Variants in NRXN1 observed in about 807,000 individuals in gnomAD.
The protein encoded by NRXN1 is neurexin 1.
Under a neutral mutation model 150.9 loss-of-function variants are expected in NRXN1, and 39 were observed. The observed-to-expected ratio is 0.26, with a 90% CI of 0.20 to 0.34. The LOEUF (loss-of-function observed/expected upper bound fraction) is 0.34, where lower values mean the gene tolerates loss of function less well. Among genes scored for constraint, NRXN1 ranks in the 10% least tolerant of loss-of-function variants. The pLI, the probability that NRXN1 is intolerant of heterozygous loss-of-function variation, is 1.00. For missense variants in NRXN1, 1,815 were observed against 1,949.9 expected, an observed-to-expected ratio of 0.93 and a Z score of 1.30; for synonymous variants, 924 against 757.0, an observed-to-expected ratio of 1.22 and a Z score of -3.62.
intron 21 of NRXN1, among the ~76,000 whole-genome samples, chr2:49,979,234 T>C (rs989078336): frequency 6.6e-6 from 1 of 151,972 alleles, no homozygotes; most frequent in African/African-American, 2.4e-5. Flanking sequence ...GAGGTGGAGG[T>C]TGCAGTAAGC....
chr2:50,039,981 T>C (rs1690671308), intron 21 of NRXN1, among the ~76,000 whole-genome samples: 1 of 152,286 alleles, frequency 6.6e-6, no homozygotes, highest in South Asian at 2.1e-4. Flanking sequence ...AAAAGAAAGG[T>C]AATCTTAACA....
intron 19 of NRXN1, among the ~76,000 whole-genome samples, chr2:50,075,743 T>A (rs1696986496): frequency 6.6e-6 from 1 of 152,126 alleles, no homozygotes; most frequent in Non-Finnish European, 1.5e-5. Flanking sequence ...CTTTCCTGGA[T>A]TGTTATAGCT....
chr2:50,330,934 G>A (rs928960239), intron 17 of NRXN1, among the ~76,000 whole-genome samples: 2 of 152,080 alleles, frequency 1.3e-5, no homozygotes, highest in Non-Finnish European at 2.9e-5. Flanking sequence ...TATTAGGGGT[G>A]GGAAGTAGTT....
chr2:50,302,561 T>C (rs2074254740), intron 17 of NRXN1, among the ~76,000 whole-genome samples: 1 of 152,168 alleles, frequency 6.6e-6, no homozygotes, highest in Non-Finnish European at 1.5e-5. Context: ...TATTTTCCAA[T>C]TTGGAAAGCG....
intron 19 of NRXN1, among the ~76,000 whole-genome samples, chr2:50,081,752 T>G (rs907134565): frequency 3.3e-5 from 5 of 152,176 alleles, no homozygotes; most frequent in South Asian, 2.1e-4. Context: ...AGCTATTATG[T>G]ATTATCATTA....
At chr2:50,802,815 G>A (rs972765837) in intron 5 of NRXN1, among the ~76,000 whole-genome samples, 2 of 152,016 alleles carry the variant, frequency 1.3e-5, no homozygotes, top group Admixed American at 6.6e-5. Flanking sequence ...GTGAAAATAC[G>A]CAGAGAAACC....
intron 1 of NRXN1, among the ~76,000 whole-genome samples, chr2:51,030,201 C>T (rs577463211): frequency 2.6e-5 from 4 of 152,134 alleles, no homozygotes; most frequent in South Asian, 2.1e-4. Context: ...CAAGGAAGTG[C>T]ATTATTTTTC....
chr2:50,878,478 GT>G (rs1282815753), intron 5 of NRXN1, among the ~76,000 whole-genome samples: 7 of 151,876 alleles, frequency 4.6e-5, no homozygotes, highest in Non-Finnish European at 7.4e-5. Flanking sequence ...GTCGCCTCCA[GT>G]TTCTATTTTG....
chr2:50,342,869 G>A (rs537056492), intron 17 of NRXN1, among the ~76,000 whole-genome samples: 8 of 152,308 alleles, frequency 5.3e-5, no homozygotes, highest in Admixed American at 2.6e-4. Flanking sequence ...ATCTGGCTCC[G>A]TCTTTTGGCC....
chr2:50,835,780 T>G (rs879814252), intron 5 of NRXN1, among the ~76,000 whole-genome samples: 1 of 152,158 alleles, frequency 6.6e-6, no homozygotes, highest in South Asian at 2.1e-4. Flanking sequence ...AGAAGCAGGG[T>G]TGATACCTGA....
At chr2:50,473,602 T>C (rs2089720730) in intron 15 of NRXN1, among the ~76,000 whole-genome samples, 1 of 152,060 alleles carries the variant, frequency 6.6e-6, no homozygotes, top group Non-Finnish European at 1.5e-5. Flanking sequence ...TTGAACTTTC[T>C]TTCTCATGTT....
intron 21 of NRXN1, among the ~76,000 whole-genome samples, chr2:50,001,593 G>C (rs904275315): frequency 7.2e-5 from 11 of 152,042 alleles, no homozygotes; most frequent in African/African-American, 2.4e-4. Flanking sequence ...TAACTTAAAT[G>C]CTCTCTGCCT....
intron 21 of NRXN1, among the ~76,000 whole-genome samples, chr2:50,043,265 A>G (rs975585948): frequency 6.6e-6 from 1 of 152,316 alleles, no homozygotes; most frequent in Non-Finnish European, 1.5e-5. Context: ...CTGAAACTAC[A>G]GTGAAAATTC....
intron 9 of NRXN1, among the ~76,000 whole-genome samples, chr2:50,539,538 G>T (rs576943453): frequency 4.6e-5 from 7 of 151,902 alleles, no homozygotes; most frequent in Non-Finnish European, 1.0e-4. Flanking sequence ...AAAAAAGAAA[G>T]ATATAAAGCA....
chr2:50,347,602 G>A lies in NRXN1; in HGVS notation c.3365-110632C>T. The A allele has an allele frequency of 9.9e-7, 1 of 1,011,090 alleles. No homozygotes were observed. The highest frequency in any genetic ancestry group is 1.2e-6 in the Non-Finnish European group (1 of 845,484). 62.6% of individuals were successfully genotyped at this position (1,011,090 alleles called of 1,614,324 possible). A position where few individuals can be genotyped will look rare whatever the true frequency, so the allele number is the denominator to read the frequency against. ...TCCCGAGGCAATCTCCGCGTCCGCC[G>A]CCTCCTGACACTTACGCCCGGCGAG... On this transcript the variant is annotated intron_variant, in intron 17 of 22. Coordinates refer to ENST00000401669, the MANE Select transcript of NRXN1 (RefSeq NM_001330078.2). The surrounding 1 kb of genome is among the most constrained non-coding windows in gnomAD (Gnocchi z 4.9).
At chr2:50,031,974 C>A (rs961949445) in intron 21 of NRXN1, among the ~76,000 whole-genome samples, 7 of 151,944 alleles carry the variant, frequency 4.6e-5, no homozygotes, top group African/African-American at 1.7e-4. Context: ...TTGCTCCCTA[C>A]CCAATTCTGA....
chr2:50,957,140 C>A (rs1445168946), intron 2 of NRXN1, among the ~76,000 whole-genome samples: 2 of 152,054 alleles, frequency 1.3e-5, no homozygotes, highest in Non-Finnish European at 2.9e-5. Context: ...GATTTGTGCC[C>A]TTGGGTAAAT....
At chr2:50,051,784 G>A (rs1011395342) in intron 21 of NRXN1, among the ~76,000 whole-genome samples, 42 of 152,052 alleles carry the variant, frequency 2.8e-4, no homozygotes, top group African/African-American at 9.7e-4. Context: ...TTCGTTTGCT[G>A]TTACCAATAT....
chr2:50,669,393 T>C (rs1484359848), intron 5 of NRXN1, among the ~76,000 whole-genome samples: 1 of 151,954 alleles, frequency 6.6e-6, no homozygotes, highest in Non-Finnish European at 1.5e-5. Flanking sequence ...GCAATAGAAA[T>C]AAATAGCAAT....
Sources: gnomAD v4.1 joint callset for allele counts (sites outside exome capture counted in the v4.1 genomes callset) on GRCh38, gnomAD v4.1.1 for gene constraint, Gnocchi (gnomAD v3.1) non-coding constraint, MANE v1.5 for transcripts, NCBI Gene and HGNC (gene_info 2026-07-23, HGNC 2026-07-21) for gene names.